The following RLF variants were observed in gnomAD, a reference collection of about 807,000 sequenced individuals.
RLF encodes RLF zinc finger.
RLF carries 7 observed loss-of-function variants against 162.9 expected under a neutral mutation model. The ratio of observed to expected loss-of-function variants is 0.04; its 90% CI spans 0.02 to 0.08. The LOEUF (loss-of-function observed/expected upper bound fraction) is 0.08. Ranked by LOEUF, RLF falls within the 10% of genes least tolerant of loss-of-function variation. The pLI is 1.00. For missense variants in RLF, 1,664 were observed against 2,244.7 expected, an observed-to-expected ratio of 0.74 and a Z score of 5.23; for synonymous variants, 782 against 791.5, an observed-to-expected ratio of 0.99 and a Z score of 0.20.
chr1:40,233,473 A>G (rs1056641311), intron 7 of RLF, among the ~76,000 whole-genome samples: 3 of 152,214 alleles, frequency 2.0e-5, no homozygotes, highest in Non-Finnish European at 1.5e-5. Context: ...TTTAAAATTT[A>G]GCTGACTTTC....
intron 2 of RLF, 64 bp from the exon 3 acceptor site, chr1:40,190,708 G>A (rs1642544368): frequency 9.8e-7 from 1 of 1,017,704 alleles, no homozygotes; most frequent in Non-Finnish European, 1.5e-6. Context: ...TTTTAGTATT[G>A]CTGTCATACT....
rs544209924 is a variant in RLF, at chr1:40,187,223, G to C, written c.238-1832G>C. On this transcript the variant is annotated intron_variant, in intron 1 of 7. Coordinates refer to ENST00000372771, the MANE Select transcript of RLF (RefSeq NM_012421.4). The stretch of plus-strand genomic sequence containing the variant: ...TAATATTTGTATTTTTAGAGACGGG[G>C]TTTCACCCATGTTGGCCAGGATGGT... Among the ~76,000 whole-genome samples, 637 of 152,138 alleles carry C rather than the reference G, an allele frequency of 4.2e-3. 7 individuals carry two copies. The highest frequency in any genetic ancestry group is 0.015 in the African/African-American group (621 of 41,512).
At chr1:40,194,095 C>T (rs1336661303) in intron 3 of RLF, among the ~76,000 whole-genome samples, 1 of 152,126 alleles carries the variant, frequency 6.6e-6, no homozygotes, top group Non-Finnish European at 1.5e-5. Context: ...GACTCCTTTT[C>T]CCTCACCCTT....
intron 2 of RLF, among the ~76,000 whole-genome samples, chr1:40,189,667 C>T (rs542958700): frequency 6.6e-5 from 10 of 152,184 alleles, no homozygotes; most frequent in South Asian, 4.1e-4. Context: ...GGCATGGTGG[C>T]GCACGCCTGT....
chr1:40,183,804 A>G (rs1038539546), intron 1 of RLF, among the ~76,000 whole-genome samples: 1 of 152,240 alleles, frequency 6.6e-6, no homozygotes, highest in South Asian at 2.1e-4. Context: ...AAATGGGCTG[A>G]TAATAACTCC....
intron 1 of RLF, among the ~76,000 whole-genome samples, chr1:40,179,467 G>A (rs1036747399): frequency 4.6e-5 from 7 of 151,654 alleles, no homozygotes; most frequent in Non-Finnish European, 7.4e-5. Context: ...CCCAGCCCCC[G>A]TCGTCTTCCT....
rs1643252185 is a variant in RLF, at chr1:40,238,878, T to C, written c.4176T>C (p.Ile1392=). The C allele has an allele frequency of 1.9e-6, 3 of 1,614,098 alleles. No homozygotes were observed. The highest frequency in any genetic ancestry group is 1.7e-6 in the Non-Finnish European group (2 of 1,180,034). Residue 1392 remains isoleucine, a synonymous_variant, in exon 8 of 8, where the codon ATT becomes ATC. Transcript: ENST00000372771. The surrounding 1 kb of genome is among the most constrained non-coding windows in gnomAD (Gnocchi z 5.2). The part of the protein sequence containing the change: ...HCSDSHNLDH[I]EEPKVLSEAG... ...GTGATTCTCATAACCTAGACCATATTGAAGAGCCTAAAGTACTTTCCGAAG... is the reference window on the plus strand; with the variant it reads ...GTGATTCTCATAACCTAGACCATATCGAAGAGCCTAAAGTACTTTCCGAAG...
chr1:40,184,184 C>G (rs765451769), intron 1 of RLF, among the ~76,000 whole-genome samples: 4 of 152,110 alleles, frequency 2.6e-5, no homozygotes, highest in Admixed American at 2.6e-4. Context: ...TGCTCATATT[C>G]CTGCTACCTC....
chr1:40,185,544 G>T (rs868293591), intron 1 of RLF, among the ~76,000 whole-genome samples: 1 of 36,014 alleles, frequency 2.8e-5, no homozygotes, highest in Non-Finnish European at 7.2e-5. Context: ...AAAAAAAAAA[G>T]CCGGGCGCAG....
At chr1:40,181,805 T>C (rs925417759) in intron 1 of RLF, among the ~76,000 whole-genome samples, 1 of 152,176 alleles carries the variant, frequency 6.6e-6, no homozygotes, top group Non-Finnish European at 1.5e-5. Context: ...GAACAAATTT[T>C]CCGGAGCAGA....
Position 40,236,624 on chromosome 1 carries a change from A to G in RLF, c.1922A>G (p.His641Arg), listed in dbSNP as rs1227028272. 3 of 1,614,064 alleles carry G rather than the reference A, an allele frequency of 1.9e-6. No homozygotes were observed. Among genetic ancestry groups the G allele is most frequent in the African/African-American group, 2.7e-5 (2 of 74,940 alleles). ...CCCTCTGCAATCCCAGAGCAAAACC[A>G]TTCATTGAATGACCAAGCCAAAGGA... is the stretch of plus-strand genomic sequence containing the variant. ...KSPSAIPEQN[H>R]SLNDQAKGES... The change falls in exon 8 of 8, where the codon CAT (histidine) becomes CGT (arginine). Residue 641 changes from histidine to arginine, a missense_variant. Physicochemically the swap from His to Arg is conservative, Grantham distance 29 (BLOSUM62 0). Around this residue, in one of 15 missense-constraint regions of RLF, gnomAD observed 50 missense variants for 46.7 expected, o/e 1.07. Transcript: ENST00000372771. This position sits in a 1 kb window ranked among gnomAD's most constrained non-coding sequence, Gnocchi z 7.7.
intron 4 of RLF, among the ~76,000 whole-genome samples, chr1:40,197,584 A>T (rs1445253172): frequency 6.6e-6 from 1 of 152,216 alleles, no homozygotes; most frequent in Non-Finnish European, 1.5e-5. Context: ...AACAGTAATT[A>T]ATCATTTTTA....
Position 40,238,866 on chromosome 1 carries a change from C to A in RLF, c.4164C>A (p.Asn1388Lys). The change falls in exon 8 of 8, where the codon AAC (asparagine) becomes AAA (lysine). Residue 1388 changes from asparagine to lysine, a missense_variant. By Grantham distance (94) the Asn-to-Lys change is moderately conservative. This residue lies in a region of RLF where 200 missense variants were observed against 207.3 expected (regional missense o/e 0.96). Transcript: ENST00000372771. The surrounding 1 kb of genome is among the most constrained non-coding windows in gnomAD (Gnocchi z 5.2). The stretch of plus-strand genomic sequence containing the variant: ...CTAAGCACTGTAGTGATTCTCATAA[C>A]CTAGACCATATTGAAGAGCCTAAAG... ...ALAKHCSDSH[N>K]LDHIEEPKVL... 3 of 1,614,190 alleles carry A rather than the reference C, an allele frequency of 1.9e-6. No individual in the cohort carries two copies. The highest frequency in any genetic ancestry group is 2.5e-6 in the Non-Finnish European group (3 of 1,180,018).
At chr1:40,186,839 T>C (rs1335015068) in intron 1 of RLF, among the ~76,000 whole-genome samples, 1 of 152,014 alleles carries the variant, frequency 6.6e-6, no homozygotes, top group East Asian at 1.9e-4. Flanking sequence ...GGGGTGGAAG[T>C]GGGTAGAGGA....
intron 1 of RLF, among the ~76,000 whole-genome samples, chr1:40,172,144 TAA>T (rs952470677): frequency 6.6e-6 from 1 of 151,850 alleles, no homozygotes; most frequent in Non-Finnish European, 1.5e-5. Context: ...CACTCTTAAC[TAA>T]AAAAAAATTT....
chr1:40,190,889 C>G (rs1349645137), intron 3 of RLF, 36 bp downstream of exon 3: 1 of 1,311,268 alleles, frequency 7.6e-7, no homozygotes, highest in Middle Eastern at 1.9e-4. Context: ...TTTTCTGTAT[C>G]CAAGACACCT....
chr1:40,187,071 C>T (rs1479834087), intron 1 of RLF, among the ~76,000 whole-genome samples: 3 of 143,900 alleles, frequency 2.1e-5, no homozygotes, highest in South Asian at 2.1e-4. Flanking sequence ...CTTGCTGTGT[C>T]GCCAGGCTGG....
intron 5 of RLF, among the ~76,000 whole-genome samples, chr1:40,203,893 C>T (rs1452963157): frequency 1.3e-5 from 2 of 152,108 alleles, no homozygotes; most frequent in African/African-American, 2.4e-5. Context: ...ATACAGTCTC[C>T]ACCAGGATCA....
intron 5 of RLF, among the ~76,000 whole-genome samples, chr1:40,218,160 GA>G (rs781514042): frequency 8.5e-5 from 13 of 152,166 alleles, no homozygotes; most frequent in Non-Finnish European, 1.5e-5. Flanking sequence ...AAAACCCCAT[GA>G]GTAAGTTTCA....
Sources: allele counts gnomAD v4.1 joint callset (sites outside exome capture counted in the v4.1 genomes callset), GRCh38; gene constraint gnomAD v4.1.1; regional missense constraint gnomAD v4.1.1; non-coding constraint Gnocchi (gnomAD v3.1); transcripts MANE v1.5; gene names NCBI Gene and HGNC (gene_info 2026-07-23, HGNC 2026-07-21).